The following IQCB1 variants were observed in gnomAD, a reference collection of about 807,000 sequenced individuals.
IQCB1 encodes IQ calmodulin-binding motif-containing protein 1.
A neutral mutation model predicts 84.4 loss-of-function variants in IQCB1; 56 were observed. The observed-to-expected ratio is 0.66, with a 90% CI of 0.54 to 0.83. The LOEUF is 0.83. Among genes scored for constraint, IQCB1 ranks in the 40% least tolerant of loss-of-function variants. IQCB1 has a pLI of 0.00. For missense variants in IQCB1, 629 were observed against 682.1 expected (o/e 0.92, Z 0.87); for synonymous variants, 210 against 234.8 (o/e 0.89, Z 0.96).
chr3:121,815,029 G>A (rs912811355), intron 5 of IQCB1, among the ~76,000 whole-genome samples: 1 of 152,084 alleles, frequency 6.6e-6, no homozygotes, highest in Non-Finnish European at 1.5e-5. Flanking sequence ...CTGGCAAACC[G>A]AATCCAGCAG....
At chr3:121,802,795 T>C (rs1949457494) in intron 7 of IQCB1, among the ~76,000 whole-genome samples, 1 of 152,184 alleles carries the variant, frequency 6.6e-6, no homozygotes, top group Non-Finnish European at 1.5e-5. Flanking sequence ...TAGGCATTAG[T>C]GATATAAATT....
At chr3:121,813,999 C>A (rs988074886) in intron 5 of IQCB1, among the ~76,000 whole-genome samples, 48 of 152,150 alleles carry the variant, frequency 3.2e-4, no homozygotes, top group South Asian at 2.1e-4. Flanking sequence ...CGCACTTATT[C>A]TAAAATCGAC....
chr3:121,781,800 AGT>A lies in IQCB1; in HGVS notation c.1351_1352del (p.Thr451Ter). 1 of 1,613,922 alleles carries A rather than the reference AGT, an allele frequency of 6.2e-7. No individual in the cohort carries two copies. Among genetic ancestry groups the A allele is most frequent in the Non-Finnish European group, 8.5e-7 (1 of 1,179,840 alleles). On this transcript the variant is annotated frameshift_variant, in exon 13 of 15. Coordinates refer to ENST00000310864, the MANE Select transcript of IQCB1 (RefSeq NM_001023570.4). LOFTEE classifies it high-confidence loss of function. Reference sequence around the variant, plus strand: ...TCTTCAGTTCAACTCGGCGTGCATCAGTGAGTTCTTGGAGTCCTCGCCAAGGA... The same window carrying A: ...TCTTCAGTTCAACTCGGCGTGCATCAGAGTTCTTGGAGTCCTCGCCAAGGA... ...FAPWRGLQEL[T>X]DARRVELKKR...
intron 5 of IQCB1, among the ~76,000 whole-genome samples, chr3:121,815,751 T>C (rs1373797405): frequency 7.4e-6 from 1 of 135,628 alleles, no homozygotes; most frequent in East Asian, 2.0e-4. Flanking sequence ...CTCAAGGAAA[T>C]AACAGAGGAC....
intron 7 of IQCB1, among the ~76,000 whole-genome samples, chr3:121,805,784 T>C (rs948779913): frequency 6.6e-6 from 1 of 152,140 alleles, no homozygotes; most frequent in African/African-American, 2.4e-5. Context: ...TTCCTTACAA[T>C]GTGCAGATCA....
At chr3:121,825,362 CAA>C (rs1351286479) in intron 5 of IQCB1, among the ~76,000 whole-genome samples, 1 of 151,978 alleles carries the variant, frequency 6.6e-6, no homozygotes, top group Admixed American at 6.6e-5. Flanking sequence ...GCCCAGCCCA[CAA>C]AAGTTTCTTT....
chr3:121,787,827 T>TA (rs945609156), intron 12 of IQCB1, among the ~76,000 whole-genome samples: 6 of 152,082 alleles, frequency 3.9e-5, no homozygotes, highest in East Asian at 1.9e-4. Context: ...ATCTGTGCAT[T>TA]AAAAAAATCA....
chr3:121,787,488 C>A (rs1395318456), intron 12 of IQCB1, among the ~76,000 whole-genome samples: 1 of 152,172 alleles, frequency 6.6e-6, no homozygotes. Flanking sequence ...AGCGGTGGCT[C>A]ACGCCTGTAA....
intron 13 of IQCB1, among the ~76,000 whole-genome samples, chr3:121,774,856 G>A (rs914923000): frequency 6.6e-6 from 1 of 152,048 alleles, no homozygotes; most frequent in Non-Finnish European, 1.5e-5. Context: ...TGTACTTAAT[G>A]CTACCAAACT....
At chr3:121,828,836 T>C (rs1446857807) in intron 3 of IQCB1, 25 bp downstream of exon 3, 4 of 1,353,366 alleles carry the variant, frequency 3.0e-6, no homozygotes, top group African/African-American at 2.9e-5. Flanking sequence ...TAAAATGCTA[T>C]CTAATCACAA....
intron 12 of IQCB1, among the ~76,000 whole-genome samples, chr3:121,785,227 G>A (rs957564680): frequency 9.2e-5 from 14 of 151,842 alleles, no homozygotes; most frequent in Admixed American, 2.0e-4. Context: ...CACACTCATT[G>A]AAAGGATATT....
chr3:121,791,500 G>A (rs1234715836), intron 10 of IQCB1, among the ~76,000 whole-genome samples: 2 of 152,176 alleles, frequency 1.3e-5, no homozygotes, highest in East Asian at 3.8e-4. Flanking sequence ...CTATTATCAA[G>A]GGTAGAGAAG....
At chr3:121,826,030 A>G (rs770672704) in intron 5 of IQCB1, 21 bp downstream of exon 5, 2 of 1,601,492 alleles carry the variant, frequency 1.2e-6, no homozygotes. Flanking sequence ...TTTAGCTACA[A>G]AAGACTAAAT....
intron 7 of IQCB1, among the ~76,000 whole-genome samples, chr3:121,806,192 T>TA (rs1332430520): frequency 6.6e-6 from 1 of 152,162 alleles, no homozygotes; most frequent in Non-Finnish European, 1.5e-5. Context: ...TTCATTATTT[T>TA]AAAACCTCCA....
intron 10 of IQCB1, 67 bp downstream of exon 10, chr3:121,795,389 TA>T: frequency 1.1e-6 from 1 of 880,602 alleles, no homozygotes; most frequent in Non-Finnish European, 1.9e-6. Flanking sequence ...AAAAATCACC[TA>T]AATTTCAATT....
chr3:121,774,917 A>G (rs926937528), intron 13 of IQCB1, among the ~76,000 whole-genome samples: 29 of 152,206 alleles, frequency 1.9e-4, no homozygotes, highest in Admixed American at 1.4e-3. Flanking sequence ...CTATTTTACC[A>G]CCCTGAAAAT....
chr3:121,828,927 A>C lies in IQCB1; in HGVS notation c.34T>G (p.Ser12Ala). Residue 12 changes from serine to alanine, a missense_variant, in exon 3 of 15, where the codon TCT (serine) becomes GCT (alanine). Ser to Ala is a moderately conservative substitution (Grantham distance 99, BLOSUM62 1). Transcript: ENST00000310864. ...KPTGTDPRILSIAAEVAKSPE... is the reference protein window; with the variant it reads ...KPTGTDPRILAIAAEVAKSPE... ...CTTTTTGCAACTTCAGCAGCTATAG[A>C]TAAGATCCTTGGGTCTGTACCTGTT... The C allele has an allele frequency of 6.2e-7, 1 of 1,611,650 alleles. No homozygotes were observed. Among genetic ancestry groups the C allele is most frequent in the Non-Finnish European group, 8.5e-7 (1 of 1,178,542 alleles).
chr3:121,799,325 C>A lies in IQCB1; in HGVS notation c.637G>T (p.Glu213Ter). Reference protein sequence around the residue: ...GRKALYSILDEVIFKLFSTPS... With the variant: ...GRKALYSILD ...GTTGAAAAAAGCTTGAAAATAACTT[C>A]ATCTAAAATTGAATACAGGGCTTTT... Residue 213 changes from glutamate (E) to a stop codon, truncating the protein, a stop_gained, in exon 8 of 15, where the codon GAA becomes TAA. Transcript: ENST00000310864. LOFTEE classifies it high-confidence loss of function. The A allele has an allele frequency of 1.2e-6, 2 of 1,602,678 alleles. No individual in the cohort carries two copies. The highest frequency in any genetic ancestry group is 1.1e-5 in the South Asian group (1 of 90,482).
intron 5 of IQCB1, among the ~76,000 whole-genome samples, chr3:121,812,375 G>A (rs1385507075): frequency 6.6e-6 from 1 of 152,162 alleles, no homozygotes; most frequent in Non-Finnish European, 1.5e-5. Context: ...TCCACCAAAT[G>A]ATCGCGATTC....
Sources: allele counts gnomAD v4.1 joint callset (sites outside exome capture counted in the v4.1 genomes callset), GRCh38; gene constraint gnomAD v4.1.1; transcripts MANE v1.5; gene names NCBI Gene and HGNC (gene_info 2026-07-23, HGNC 2026-07-21).